FHIT: variants seen among roughly 807,000 people sequenced by gnomAD.
The protein encoded by FHIT is fragile histidine triad diadenosine triphosphatase.
FHIT carries 19 observed loss-of-function variants against 17.9 expected under a neutral mutation model. The ratio of observed to expected loss-of-function variants is 1.06; its 90% confidence interval spans 0.74 to 1.56. FHIT has a LOEUF of 1.56. Among genes scored for constraint, FHIT ranks in the 40% most tolerant of loss-of-function variants. The probability of loss-of-function intolerance (pLI) is 0.00; values close to 1 mark genes in which losing one functional copy is unlikely to be tolerated. For synonymous variants in FHIT, 81 were observed against 69.7 expected, an observed-to-expected ratio of 1.16 and a Z score of -0.81; for missense variants, 248 against 189.2, an observed-to-expected ratio of 1.31 and a Z score of -1.82.
intron 5 of FHIT, among the ~76,000 whole-genome samples, chr3:60,340,852 T>C (rs1346601947): frequency 2.6e-5 from 4 of 152,020 alleles, no homozygotes; most frequent in Admixed American, 2.0e-4. Context: ...GGACCATGCC[T>C]GGCTAATTTT....
At chr3:59,958,706 C>G (rs901886163) in intron 7 of FHIT, among the ~76,000 whole-genome samples, 2 of 152,074 alleles carry the variant, frequency 1.3e-5, no homozygotes, top group Non-Finnish European at 2.9e-5. Flanking sequence ...AGTAGATGGC[C>G]GCTATGTAAT....
At chr3:59,754,815 T>G (rs979358202) in intron 8 of FHIT, among the ~76,000 whole-genome samples, 6 of 152,216 alleles carry the variant, frequency 3.9e-5, no homozygotes, top group Non-Finnish European at 8.8e-5. Flanking sequence ...AAAACTCTGT[T>G]GTACCTAGCT....
intron 5 of FHIT, among the ~76,000 whole-genome samples, chr3:60,064,786 T>C (rs212009): frequency 0.35 from 53,454 of 152,118 alleles, 11,886 homozygotes; most frequent in African/African-American, 0.63. Flanking sequence ...ACCTTAACCA[T>C]TTTCACAGTT....
At chr3:60,117,670 T>C (rs933759287) in intron 5 of FHIT, among the ~76,000 whole-genome samples, 2 of 152,134 alleles carry the variant, frequency 1.3e-5, no homozygotes, top group African/African-American at 4.8e-5. Flanking sequence ...AACCAACAAC[T>C]TGCCAATGCT....
chr3:60,784,618 G>A (rs187419554), intron 4 of FHIT, among the ~76,000 whole-genome samples: 143 of 152,310 alleles, frequency 9.4e-4, no homozygotes, highest in Non-Finnish European at 1.7e-3. Context: ...TTACAGGCAT[G>A]AGCCACAGTA....
chr3:60,769,863 G>C (rs2108071929), intron 4 of FHIT, among the ~76,000 whole-genome samples: 1 of 152,324 alleles, frequency 6.6e-6, no homozygotes, highest in South Asian at 2.1e-4. Context: ...TAGAAGTATG[G>C]CCTTTTCAGG....
At chr3:60,147,119 G>C (rs1233922361) in intron 5 of FHIT, among the ~76,000 whole-genome samples, 3 of 152,048 alleles carry the variant, frequency 2.0e-5, no homozygotes, top group Admixed American at 2.0e-4. Context: ...AAGCTGTTTA[G>C]AAAAAGCTAT....
At chr3:60,377,464 C>CTTT (rs1196507429) in intron 5 of FHIT, among the ~76,000 whole-genome samples, 5 of 49,716 alleles carry the variant, frequency 1.0e-4, no homozygotes, top group Non-Finnish European at 1.1e-4. Flanking sequence ...GCCAAGAATT[C>CTTT]TTTTTTTTTT....
intron 7 of FHIT, among the ~76,000 whole-genome samples, chr3:59,960,554 G>C (rs752020295): frequency 6.7e-6 from 1 of 150,094 alleles, no homozygotes; most frequent in Non-Finnish European, 1.5e-5. Context: ...GAGGTCTGGG[G>C]TGGAGACATT....
At chr3:59,836,532 C>A (rs1267481038) in intron 8 of FHIT, among the ~76,000 whole-genome samples, 1 of 152,178 alleles carries the variant, frequency 6.6e-6, no homozygotes, top group African/African-American at 2.4e-5. Flanking sequence ...GCCATATGAG[C>A]TTGGCCCTGC....
intron 2 of FHIT, among the ~76,000 whole-genome samples, chr3:61,091,997 G>A (rs1339427533): frequency 2.7e-5 from 4 of 149,196 alleles, no homozygotes; most frequent in Non-Finnish European, 5.9e-5. Flanking sequence ...AGGAATTCAT[G>A]GTCAGTTAGT....
intron 5 of FHIT, among the ~76,000 whole-genome samples, chr3:60,186,288 GT>G (rs1407779384): frequency 1.3e-5 from 2 of 151,810 alleles, no homozygotes; most frequent in African/African-American, 2.4e-5. Flanking sequence ...ATTCATTTGA[GT>G]TTTTTTGTGA....
At chr3:60,933,698 A>C (rs902027220) in intron 3 of FHIT, among the ~76,000 whole-genome samples, 3 of 152,196 alleles carry the variant, frequency 2.0e-5, no homozygotes, top group Non-Finnish European at 1.5e-5. Flanking sequence ...AAACACTAAG[A>C]GCAAGGCTTT....
At chr3:60,050,033 A>G (rs1239341342) in intron 5 of FHIT, among the ~76,000 whole-genome samples, 2 of 152,160 alleles carry the variant, frequency 1.3e-5, no homozygotes, top group African/African-American at 2.4e-5. Flanking sequence ...ATGTCTCAGA[A>G]TACTGAAAGT....
intron 7 of FHIT, among the ~76,000 whole-genome samples, chr3:59,987,852 G>T (rs987240159): frequency 1.3e-5 from 2 of 151,964 alleles, no homozygotes; most frequent in Non-Finnish European, 2.9e-5. Context: ...AGAGATGTCT[G>T]CCCCATCTAA....
At chr3:60,469,804 A>G (rs569179090) in intron 5 of FHIT, among the ~76,000 whole-genome samples, 3 of 152,212 alleles carry the variant, frequency 2.0e-5, no homozygotes, top group Admixed American at 2.0e-4. Flanking sequence ...CTTTCCAGGT[A>G]TTTGAAGGGA....
chr3:59,784,597 G>A (rs894166826), intron 8 of FHIT, among the ~76,000 whole-genome samples: 3 of 152,162 alleles, frequency 2.0e-5, no homozygotes, highest in Non-Finnish European at 2.9e-5. Context: ...GTGGCTTTAC[G>A]TAGAACGCAG....
intron 4 of FHIT, among the ~76,000 whole-genome samples, chr3:60,820,775 A>G (rs1235613867): frequency 2.0e-5 from 3 of 152,196 alleles, no homozygotes; most frequent in Non-Finnish European, 4.4e-5. Context: ...ATTATTCAAT[A>G]TACATATTTA....
At chr3:60,231,207 A>G (rs1404279801) in intron 5 of FHIT, among the ~76,000 whole-genome samples, 1 of 152,208 alleles carries the variant, frequency 6.6e-6, no homozygotes, top group Non-Finnish European at 1.5e-5. Context: ...TTCTTTGCAG[A>G]TATATATGTG....
Sources: gnomAD v4.1 joint callset for allele counts (sites outside exome capture counted in the v4.1 genomes callset) on GRCh38, gnomAD v4.1.1 for gene constraint, MANE v1.5 for transcripts, NCBI Gene and HGNC (gene_info 2026-07-23, HGNC 2026-07-21) for gene names.